The following ITIH6 variants were observed in gnomAD, a reference collection of about 807,000 sequenced individuals.
ITIH6 encodes the protein inter-alpha-trypsin inhibitor heavy chain family member 6.
Under a neutral mutation model 58.2 loss-of-function variants are expected in ITIH6, and 60 were observed. That is an observed-to-expected ratio of 1.03 (90% CI 0.84 to 1.28). ITIH6 has a LOEUF of 1.28. Among genes scored for constraint, ITIH6 ranks in the 50% most tolerant of loss-of-function variants. The pLI is 0.00. For synonymous variants in ITIH6, 493 were observed against 417.4 expected (o/e 1.18, Z -2.21); for missense variants, 1,290 against 1,021.1 (o/e 1.26, Z -3.59).
chrX:54,751,947 G>A (rs889457235), intron 11 of ITIH6, among the ~76,000 whole-genome samples: 3 of 111,475 alleles, frequency 2.7e-5, no homozygotes, highest in Non-Finnish European at 3.8e-5. Flanking sequence ...TTTGCTGCCT[G>A]TATGTGTTGA....
chrX:54,761,500 G>T (rs896579657), intron 6 of ITIH6, among the ~76,000 whole-genome samples: 1 of 111,363 alleles, frequency 9.0e-6, no homozygotes, highest in Non-Finnish European at 1.9e-5. Context: ...TTTTAGACAT[G>T]AAGTCCTTGC....
chrX:54,779,756 G>C (rs1251243847), intron 5 of ITIH6, among the ~76,000 whole-genome samples: 1 of 110,108 alleles, frequency 9.1e-6, no homozygotes, highest in Admixed American at 9.7e-5. Flanking sequence ...TGACTGAATG[G>C]ATTAAAAAAA....
chrX:54,749,356 T>TC lies in ITIH6; in HGVS notation c.*538_*539insG. The TC allele has an allele frequency of 8.8e-6, 1 of 114,110 alleles. No homozygotes were observed. The highest frequency in any genetic ancestry group is 1.8e-5 in the Non-Finnish European group (1 of 54,279). 9.4% of individuals were successfully genotyped at this position (114,110 alleles called of 1,213,427 possible). A position where few individuals can be genotyped will look rare whatever the true frequency, so the allele number is the denominator to read the frequency against. On this transcript the variant is annotated 3_prime_UTR_variant, in exon 13 of 13. Transcript: ENST00000218436. ...AGCGTGGAGGGTTGGGGGTGGGCTATAGGAACCCAGAGGACAGGACCAAAC... is the reference window on the plus strand; with the variant it reads ...AGCGTGGAGGGTTGGGGGTGGGCTATCAGGAACCCAGAGGACAGGACCAAAC...
chrX:54,770,887 T>A (rs1382380565), intron 6 of ITIH6, among the ~76,000 whole-genome samples: 3 of 112,237 alleles, frequency 2.7e-5, no homozygotes, highest in East Asian at 5.5e-4. Flanking sequence ...GCAAAGCAGG[T>A]TTATTGGTGA....
intron 6 of ITIH6, among the ~76,000 whole-genome samples, chrX:54,773,830 G>A (rs908976660): frequency 9.0e-6 from 1 of 110,500 alleles, no homozygotes. Flanking sequence ...TATGACCCTG[G>A]GCTTTCGTGG....
chrX:54,787,304 A>T (rs1929259955), intron 5 of ITIH6: 1 of 111,904 alleles, frequency 8.9e-6, no homozygotes, highest in East Asian at 2.8e-4. Context: ...CCTTCACCTG[A>T]CTGACTGACT....
chrX:54,783,801 C>T (rs1037147827), intron 5 of ITIH6, among the ~76,000 whole-genome samples: 4 of 111,871 alleles, frequency 3.6e-5, no homozygotes, highest in Admixed American at 9.5e-5. Context: ...CTATCAAAAT[C>T]GCAATGACAT....
chrX:54,759,114 T>C, intron 7 of ITIH6, 116 bp from the exon 8 acceptor site: 1 of 523,709 alleles, frequency 1.9e-6, no homozygotes, highest in Non-Finnish European at 3.0e-6. Context: ...TTGCTCAGGC[T>C]GTATCCACTG....
rs778289721 is a variant in ITIH6 at position 54,758,023 on chromosome X, G to C, written c.2051C>G (p.Ser684Cys). Residue 684 changes from serine to cysteine, a missense_variant, in exon 8 of 13, where the codon TCC (serine) becomes TGC (cysteine). Transcript: ENST00000218436. ...CTCTCCCAATGGCTCCAGCTCTTTG[G>C]AACTTAGCATCTTCTTGGTAGAGGC... The part of the protein sequence containing the change: ...TTASTKKMLS[S>C]KELEPLGESP... 5.0e-6 allele frequency: 6 copies of C among 1,211,765 alleles called. No individual in the cohort carries two copies. Among genetic ancestry groups the C allele is most frequent in the South Asian group, 1.8e-5 (1 of 56,981 alleles).
At chrX:54,770,975 GA>G in intron 6 of ITIH6, among the ~76,000 whole-genome samples, 1 of 111,293 alleles carries the variant, frequency 9.0e-6, no homozygotes. Flanking sequence ...GATGTATACA[GA>G]ATTCTAGGCT....
In ITIH6 at chrX:54,754,053, A is replaced by T; in HGVS notation, c.3203-88T>A. On this transcript the variant is annotated intron_variant, in intron 9 of 12. Transcript: ENST00000218436. The stretch of plus-strand genomic sequence containing the variant: ...GGACATACTCCCAGATAAGGGCCAA[A>T]TTCCTGTGTTCAGCATTTAAGGCTT... 3.2e-6 allele frequency: 3 copies of T among 935,781 alleles called. No homozygotes were observed. In the South Asian group the frequency reaches 6.3e-5, roughly 20 times the overall value. 77.1% of individuals were successfully genotyped at this position (935,781 alleles called of 1,213,427 possible).
chrX:54,787,973 G>C lies in ITIH6; in HGVS notation c.786+507C>G, dbSNP rs371599934. Among the ~76,000 whole-genome samples the C allele has an allele frequency of 7.2e-3, 803 of 110,816 alleles. 12 individuals carry two copies. Among genetic ancestry groups the C allele is most frequent in the African/African-American group, 0.025 (751 of 30,021 alleles). ...CAGGGCCCTGGGATCGGTGCTCTGT[G>C]CTTTCCCATCTGGGAGAGTGTGGGA... On this transcript the variant is annotated intron_variant, in intron 5 of 12. Transcript: ENST00000218436.
intron 5 of ITIH6, among the ~76,000 whole-genome samples, chrX:54,786,616 C>T (rs1349159479): frequency 9.0e-6 from 1 of 111,385 alleles, no homozygotes; most frequent in Admixed American, 9.5e-5. Context: ...AATGCCTTTC[C>T]CTCCCACAGG....
intron 5 of ITIH6, among the ~76,000 whole-genome samples, chrX:54,780,213 A>C (rs1485834786): frequency 8.9e-6 from 1 of 112,104 alleles, no homozygotes; most frequent in Non-Finnish European, 1.9e-5. Flanking sequence ...ATGGCTGCAG[A>C]ATATGCATTC....
intron 12 of ITIH6, among the ~76,000 whole-genome samples, chrX:54,750,452 C>T (rs1400874558): frequency 9.0e-6 from 1 of 111,263 alleles, no homozygotes; most frequent in African/African-American, 3.3e-5. Flanking sequence ...TTGATGTGAG[C>T]CTCTGCCTCA....
rs372259546 is a variant in ITIH6 at position 54,788,466 on chromosome X, C to T, written c.786+14G>A. ...CAGAGCCCATCCTCTCTCCTCTTCC[C>T]CAGGCCCCCTCACCTGCACGTCTCC... On this transcript the variant is annotated intron_variant, in intron 5 of 12. Transcript: ENST00000218436. 2.5e-6 allele frequency: 3 copies of T among 1,203,193 alleles called. No individual in the cohort carries two copies. Among genetic ancestry groups the T allele is most frequent in the African/African-American group, 3.5e-5 (2 of 56,967 alleles).
At chrX:54,769,085 T>C (rs766539704) in intron 6 of ITIH6, among the ~76,000 whole-genome samples, 4,598 of 99,901 alleles carry the variant, frequency 0.046, 432 homozygotes, top group African/African-American at 0.17. Flanking sequence ...TTTCTTTTTA[T>C]TCTTTTGTCT....
At chrX:54,770,413 C>A (rs1928925469) in intron 6 of ITIH6, among the ~76,000 whole-genome samples, 1 of 112,920 alleles carries the variant, frequency 8.9e-6, no homozygotes, top group African/African-American at 3.2e-5. Flanking sequence ...CCTTAAAATT[C>A]TTTACTCTTA....
chrX:54,762,373 G>A (rs959152405), intron 6 of ITIH6, among the ~76,000 whole-genome samples: 7 of 111,522 alleles, frequency 6.3e-5, no homozygotes, highest in Non-Finnish European at 1.1e-4. Flanking sequence ...ATACAATCAT[G>A]TCATCTGCAA....
Sources: allele counts gnomAD v4.1 joint callset (sites outside exome capture counted in the v4.1 genomes callset), GRCh38; gene constraint gnomAD v4.1.1; transcripts MANE v1.5; gene names NCBI Gene and HGNC (gene_info 2026-07-23, HGNC 2026-07-21).